The following SPAG1 variants were observed in gnomAD, a reference collection of about 807,000 sequenced individuals.
SPAG1 encodes the protein sperm-associated antigen 1.
Under a neutral mutation model 100.5 loss-of-function variants are expected in SPAG1, and 69 were observed. The observed-to-expected ratio is 0.69, with a 90% CI of 0.57 to 0.84. The LOEUF (loss-of-function observed/expected upper bound fraction) is 0.84, where lower values mean the gene tolerates loss of function less well. Ranked by LOEUF, SPAG1 falls within the 40% of genes least tolerant of loss-of-function variation. The pLI, the probability that SPAG1 is intolerant of heterozygous loss-of-function variation, is 0.00. For synonymous variants in SPAG1, 336 were observed against 411.6 expected, an observed-to-expected ratio of 0.82 and a Z score of 2.22; for missense variants, 955 against 1,133.1, an observed-to-expected ratio of 0.84 and a Z score of 2.26.
chr8:100,215,411 G>A (rs561213082), intron 12 of SPAG1, among the ~76,000 whole-genome samples: 17 of 152,120 alleles, frequency 1.1e-4, no homozygotes, highest in Admixed American at 2.6e-4. Flanking sequence ...CACAGCTCTG[G>A]CTTACTCCTG....
intron 10 of SPAG1, among the ~76,000 whole-genome samples, chr8:100,202,979 C>T (rs947284454): frequency 2.6e-4 from 40 of 152,200 alleles, no homozygotes; most frequent in African/African-American, 7.9e-4. Context: ...CCAGCCTTGG[C>T]GTTTGTGCTG....
At chr8:100,166,598 A>G (rs1815570598) in intron 3 of SPAG1, among the ~76,000 whole-genome samples, 1 of 151,994 alleles carries the variant, frequency 6.6e-6, no homozygotes, top group South Asian at 2.1e-4. Context: ...TTTCCTCAGG[A>G]TAAATTATTA....
chr8:100,191,995 T>A (rs1816837406), intron 9 of SPAG1, among the ~76,000 whole-genome samples: 1 of 152,148 alleles, frequency 6.6e-6, no homozygotes. Flanking sequence ...CAAGGTGGCC[T>A]ACCAGAGGAT....
At chr8:100,170,449 A>G (rs911821100) in intron 3 of SPAG1, among the ~76,000 whole-genome samples, 25 of 152,120 alleles carry the variant, frequency 1.6e-4, no homozygotes, top group African/African-American at 6.0e-4. Context: ...AGTGTTAAGC[A>G]TATTCACATG....
At position 100,213,307 on chromosome 8, in the gene SPAG1, C is replaced by T. The variant is rs764792306; in HGVS notation, c.1314C>T (p.Gly438=). The change falls in exon 11 of 19, where the codon GGC becomes GGT. Residue 438 remains glycine (G), a synonymous_variant. Transcript: ENST00000388798. ...GCGGCGCCACCGGGCATCCGGGCGG[C>T]GGGCAGGGCGCGGAGAACCCTGCCG... is the stretch of plus-strand genomic sequence containing the variant. ...AGGGATGHPG[G]GQGAENPAGL... is the part of the protein sequence containing the mutation. The T allele has an allele frequency of 2.7e-5, 34 of 1,238,838 alleles. No individual in the cohort carries two copies. The African/African-American group carries it at 4.4e-4, about 16-fold the overall frequency. 76.7% of individuals were successfully genotyped at this position (1,238,838 alleles called of 1,614,324 possible).
chr8:100,171,889 A>G (rs1423770567), intron 3 of SPAG1, among the ~76,000 whole-genome samples: 1 of 151,746 alleles, frequency 6.6e-6, no homozygotes, highest in Non-Finnish European at 1.5e-5. Flanking sequence ...AAATCCCTTT[A>G]TTGATTTTTC....
At chr8:100,215,918 T>C (rs1179301782) in intron 12 of SPAG1, among the ~76,000 whole-genome samples, 1 of 152,226 alleles carries the variant, frequency 6.6e-6, no homozygotes, top group Non-Finnish European at 1.5e-5. Context: ...GTTTTACATA[T>C]TTAAATTTGA....
intron 10 of SPAG1, among the ~76,000 whole-genome samples, chr8:100,208,549 A>G (rs1817599008): frequency 1.3e-5 from 2 of 152,366 alleles, no homozygotes; most frequent in South Asian, 4.1e-4. Context: ...GGGTAGTAGA[A>G]GAAGGTAGTC....
chr8:100,206,061 A>G (rs1817503192), intron 10 of SPAG1, among the ~76,000 whole-genome samples: 1 of 138,084 alleles, frequency 7.2e-6, no homozygotes, highest in African/African-American at 2.7e-5. Context: ...AAAAAGAAAG[A>G]TGCAGGGGTG....
At chr8:100,163,407 CT>C (rs781486782) in intron 2 of SPAG1, among the ~76,000 whole-genome samples, 557 of 141,270 alleles carry the variant, frequency 3.9e-3, no homozygotes, top group Admixed American at 4.1e-3. Flanking sequence ...TTCTTTCTTT[CT>C]TTTTTTTTTT....
intron 13 of SPAG1, 84 bp from the exon 14 acceptor site, chr8:100,225,089 T>C (rs1818446677): frequency 2.8e-6 from 3 of 1,087,036 alleles, no homozygotes; most frequent in Non-Finnish European, 4.1e-6. Context: ...TGCATAGCAT[T>C]TGCAAATTTT....
At chr8:100,187,086 G>T (rs1816617125) in intron 7 of SPAG1, 34 bp from the exon 8 acceptor site, 2 of 1,588,570 alleles carry the variant, frequency 1.3e-6, no homozygotes, top group South Asian at 2.3e-5. Context: ...TTTACCTTAG[G>T]CTTGCTTGTT....
At chr8:100,160,756 ATTAT>A (rs1158242752) in intron 1 of SPAG1, among the ~76,000 whole-genome samples, 2 of 152,130 alleles carry the variant, frequency 1.3e-5, no homozygotes, top group African/African-American at 4.8e-5. Context: ...AAAGGATGTT[ATTAT>A]TTATGTTTAT....
At chr8:100,196,466 G>A (rs1021599989) in intron 10 of SPAG1, among the ~76,000 whole-genome samples, 1 of 152,114 alleles carries the variant, frequency 6.6e-6, no homozygotes, top group African/African-American at 2.4e-5. Flanking sequence ...TTTTCCTGAT[G>A]AGAATCTTTT....
chr8:100,224,209 G>T (rs1236753214), intron 13 of SPAG1, among the ~76,000 whole-genome samples: 1 of 152,084 alleles, frequency 6.6e-6, no homozygotes, highest in East Asian at 1.9e-4. Flanking sequence ...AAAAGCCCTT[G>T]TAGTAGAATC....
chr8:100,174,418 GT>G (rs1434508487), intron 3 of SPAG1, among the ~76,000 whole-genome samples: 2 of 152,330 alleles, frequency 1.3e-5, no homozygotes, highest in Admixed American at 1.3e-4. Flanking sequence ...CATAGGAGGT[GT>G]TGGTTTTGCT....
At chr8:100,204,461 T>C (rs959934240) in intron 10 of SPAG1, among the ~76,000 whole-genome samples, 1 of 152,078 alleles carries the variant, frequency 6.6e-6, no homozygotes, top group Non-Finnish European at 1.5e-5. Context: ...AATTTATTGA[T>C]TTGGGCCCAT....
At chr8:100,170,434 T>G (rs1460478096) in intron 3 of SPAG1, among the ~76,000 whole-genome samples, 2 of 152,196 alleles carry the variant, frequency 1.3e-5, no homozygotes, top group Non-Finnish European at 2.9e-5. Context: ...AGTGTACAGT[T>G]CAGTAGTGTT....
At chr8:100,184,839 T>A (rs76488721) in intron 7 of SPAG1, 106 bp downstream of exon 7, 3 of 655,568 alleles carry the variant, frequency 4.6e-6, no homozygotes, top group Non-Finnish European at 7.7e-6. Flanking sequence ...AATCTCTCAA[T>A]GTATTGTACT....
Sources: allele counts gnomAD v4.1 joint callset (sites outside exome capture counted in the v4.1 genomes callset), GRCh38; gene constraint gnomAD v4.1.1; transcripts MANE v1.5; gene names NCBI Gene and HGNC (gene_info 2026-07-23, HGNC 2026-07-21).